Variants in GPC6 observed in about 807,000 individuals in gnomAD.
The protein encoded by GPC6 is glypican-6.
In GPC6, 14 loss-of-function variants were observed where a neutral mutation model predicts 55.2. The observed-to-expected ratio is 0.25, with a 90% confidence interval of 0.17 to 0.40. The LOEUF (loss-of-function observed/expected upper bound fraction) is 0.40. Ranked by LOEUF, GPC6 falls within the 10% of genes least tolerant of loss-of-function variation. GPC6 has a pLI of 1.00. For missense variants in GPC6, 641 were observed against 708.5 expected, an observed-to-expected ratio of 0.90 and a Z score of 1.08; for synonymous variants, 278 against 259.6, an observed-to-expected ratio of 1.07 and a Z score of -0.68.
intron 3 of GPC6, among the ~76,000 whole-genome samples, chr13:93,924,245 T>G (rs1232268261): frequency 1.3e-5 from 2 of 152,230 alleles, no homozygotes; most frequent in African/African-American, 4.8e-5. Flanking sequence ...ATGCCACTAA[T>G]GGCAATTCCC....
In GPC6 at chr13:93,534,934, A is replaced by G. The variant is rs138653662; in HGVS notation, c.161-10329A>G. On this transcript the variant is annotated intron_variant, in intron 1 of 8. Coordinates refer to ENST00000377047, the MANE Select transcript of GPC6 (RefSeq NM_005708.5). ...TTCACTTCAAGTGCCCTAAGAAAGCATCAACCTGTGTAATCGTGGTTATGT... is the reference window on the plus strand; with the variant it reads ...TTCACTTCAAGTGCCCTAAGAAAGCGTCAACCTGTGTAATCGTGGTTATGT... Among the ~76,000 whole-genome samples the G allele has an allele frequency of 3.0e-4, 46 of 152,316 alleles. No homozygotes were observed. The Middle Eastern group carries it at 0.01, about 34-fold the overall frequency.
At chr13:93,608,892 T>C (rs999226859) in intron 2 of GPC6, among the ~76,000 whole-genome samples, 1 of 152,214 alleles carries the variant, frequency 6.6e-6, no homozygotes, top group African/African-American at 2.4e-5. Flanking sequence ...TTAGCTCATC[T>C]GAGGCCAGCA....
intron 2 of GPC6, among the ~76,000 whole-genome samples, chr13:93,747,890 T>A (rs1370105226): frequency 6.6e-6 from 1 of 152,196 alleles, no homozygotes; most frequent in African/African-American, 2.4e-5. Context: ...TTAGATGCCT[T>A]TCTTCTTTCC....
chr13:93,251,250 G>A (rs997398200), intron 1 of GPC6, among the ~76,000 whole-genome samples: 1 of 152,128 alleles, frequency 6.6e-6, no homozygotes, highest in Non-Finnish European at 1.5e-5. Context: ...CTTGGGCAGG[G>A]ATGGGTTTGC....
intron 6 of GPC6, among the ~76,000 whole-genome samples, chr13:94,348,221 A>G (rs1878378855): frequency 6.6e-6 from 1 of 152,242 alleles, no homozygotes; most frequent in Non-Finnish European, 1.5e-5. Context: ...CTTATGGAAC[A>G]TATACTCTTA....
chr13:94,311,362 T>C (rs1042122808), intron 6 of GPC6, among the ~76,000 whole-genome samples: 2 of 152,036 alleles, frequency 1.3e-5, no homozygotes, highest in Non-Finnish European at 2.9e-5. Context: ...AGAGACGGAG[T>C]TTCACCATGT....
At chr13:94,230,658 C>A (rs75125544) in intron 4 of GPC6, among the ~76,000 whole-genome samples, 1,818 of 152,216 alleles carry the variant, frequency 0.012, 41 homozygotes, top group African/African-American at 0.042. Flanking sequence ...ACTTAAATTC[C>A]CTTGACCTAA....
intron 6 of GPC6, among the ~76,000 whole-genome samples, chr13:94,379,164 T>C (rs1335680112): frequency 6.6e-6 from 1 of 152,204 alleles, no homozygotes; most frequent in Non-Finnish European, 1.5e-5. Flanking sequence ...CATTTCTAAA[T>C]GATGTGCAAG....
intron 5 of GPC6, among the ~76,000 whole-genome samples, chr13:94,303,856 T>C (rs1447815515): frequency 6.6e-6 from 1 of 152,116 alleles, no homozygotes; most frequent in African/African-American, 2.4e-5. Context: ...TTTCAGGGCA[T>C]TCGTGTTTCT....
At chr13:94,233,501 TAAAC>T (rs1890790473) in intron 4 of GPC6, among the ~76,000 whole-genome samples, 1 of 152,154 alleles carries the variant, frequency 6.6e-6, no homozygotes, top group South Asian at 2.1e-4. Context: ...ATTCCAGAAA[TAAAC>T]AATGCATACG....
chr13:93,663,717 T>C (rs550817275), intron 2 of GPC6, among the ~76,000 whole-genome samples: 1 of 152,318 alleles, frequency 6.6e-6, no homozygotes, highest in South Asian at 2.1e-4. Context: ...CACAGCTTTC[T>C]TGTCTACACA....
intron 1 of GPC6, among the ~76,000 whole-genome samples, chr13:93,489,361 T>G (rs1282285206): frequency 4.6e-5 from 7 of 151,502 alleles, no homozygotes; most frequent in Non-Finnish European, 1.0e-4. Flanking sequence ...CCATGCTGTT[T>G]TGGTTACTGT....
chr13:93,546,455 G>A (rs1874793780), intron 2 of GPC6, among the ~76,000 whole-genome samples: 2 of 152,192 alleles, frequency 1.3e-5, no homozygotes, highest in African/African-American at 4.8e-5. Flanking sequence ...ACGGAAGACA[G>A]GTCTACCTGG....
intron 1 of GPC6, among the ~76,000 whole-genome samples, chr13:93,431,211 A>G (rs1749325075): frequency 6.6e-6 from 1 of 152,066 alleles, no homozygotes; most frequent in South Asian, 2.1e-4. Context: ...CTAACCTAAC[A>G]TTTCTCATGA....
At chr13:93,706,425 A>G (rs936472778) in intron 2 of GPC6, among the ~76,000 whole-genome samples, 3 of 151,874 alleles carry the variant, frequency 2.0e-5, no homozygotes, top group Admixed American at 2.0e-4. Flanking sequence ...TCGCCAACAT[A>G]TTTCAGGAAT....
chr13:93,981,761 T>C (rs1880813629), intron 3 of GPC6, among the ~76,000 whole-genome samples: 1 of 152,180 alleles, frequency 6.6e-6, no homozygotes, highest in East Asian at 1.9e-4. Context: ...CATTTCACAG[T>C]GTCATGTGTT....
rs866061897 is a variant in GPC6 at position 93,439,694 on chromosome 13, A to T, written c.161-105569A>T. Among the ~76,000 whole-genome samples, 686 of 146,608 alleles carry T rather than the reference A, an allele frequency of 4.7e-3. 8 individuals carry two copies. The highest frequency in any genetic ancestry group is 0.016 in the African/African-American group (622 of 39,946). ...AATAAAATAAAATAAAATAAATAAAAAAAATAAAATAAAATAAAATAAAAT... is the reference window on the plus strand; with the variant it reads ...AATAAAATAAAATAAAATAAATAAATAAAATAAAATAAAATAAAATAAAAT... On this transcript the variant is annotated intron_variant, in intron 1 of 8. Transcript: ENST00000377047.
At chr13:93,252,411 T>G (rs189473517) in intron 1 of GPC6, among the ~76,000 whole-genome samples, 1 of 152,344 alleles carries the variant, frequency 6.6e-6, no homozygotes, top group East Asian at 1.9e-4. Flanking sequence ...TTACTTTTCT[T>G]CCTGACTAAT....
intron 7 of GPC6, among the ~76,000 whole-genome samples, chr13:94,392,656 CG>C (rs1197080598): frequency 2.7e-5 from 4 of 148,138 alleles, no homozygotes; most frequent in Non-Finnish European, 4.5e-5. Context: ...CTCGAACTCT[CG>C]ACCTCAGGTG....
Sources: allele counts gnomAD v4.1 joint callset (sites outside exome capture counted in the v4.1 genomes callset), GRCh38; gene constraint gnomAD v4.1.1; transcripts MANE v1.5; gene names NCBI Gene and HGNC (gene_info 2026-07-23, HGNC 2026-07-21).